Variants in ABCA1 observed in about 807,000 individuals in gnomAD.
The protein encoded by ABCA1 is ATP binding cassette subfamily A member 1.
Under a neutral mutation model 262.5 loss-of-function variants are expected in ABCA1, and 133 were observed. The ratio of observed to expected loss-of-function variants is 0.51; its 90% CI spans 0.44 to 0.59. The LOEUF (loss-of-function observed/expected upper bound fraction) is 0.59. Ranked by LOEUF, ABCA1 falls within the 20% of genes least tolerant of loss-of-function variation. ABCA1 has a pLI of 0.00. For missense variants in ABCA1, 2,452 were observed against 2,777.5 expected (o/e 0.88, Z 2.63); for synonymous variants, 1,022 against 1,043.5 (o/e 0.98, Z 0.40).
rs372715446 is a variant in ABCA1, at chr9:104,817,395, C to T, written c.3472G>A (p.Val1158Ile). 11 of 1,614,132 alleles carry T rather than the reference C, an allele frequency of 6.8e-6. No homozygotes were observed. The highest frequency in any genetic ancestry group is 9.3e-6 in the Non-Finnish European group (11 of 1,180,042). ...TVSYLKKEDS[V>I]SQSSSDAGLG... ...CCAGCATCAGAACTGCTCTGAGAAACACTGTCCTCCTGATGGCAAAGAAGG... is the reference window on the plus strand; with the variant it reads ...CCAGCATCAGAACTGCTCTGAGAAATACTGTCCTCCTGATGGCAAAGAAGG... The change falls in exon 24 of 50, where the codon GTT becomes ATT. Residue 1158 changes from valine to isoleucine, a missense_variant. Physicochemically the swap from Val to Ile is conservative, Grantham distance 29. This residue lies in a region of ABCA1 where 665 missense variants were observed against 727.3 expected (regional missense o/e 0.91). Coordinates refer to ENST00000374736, the MANE Select transcript of ABCA1 (RefSeq NM_005502.4). This position sits in a 1 kb window ranked among gnomAD's most constrained non-coding sequence, Gnocchi z 4.7.
chr9:104,885,379 T>C (rs1839075537), intron 3 of ABCA1, among the ~76,000 whole-genome samples: 1 of 152,300 alleles, frequency 6.6e-6, no homozygotes, highest in South Asian at 2.1e-4. Flanking sequence ...GATTGGAATT[T>C]AGCTCATCTC....
chr9:104,861,685 G>C lies in ABCA1; in HGVS notation c.537C>G (p.Leu179=), dbSNP rs148945839. The C allele has an allele frequency of 9.9e-6, 16 of 1,614,018 alleles. No individual in the cohort carries two copies. In the African/African-American group the frequency reaches 2.0e-4, roughly 20 times the overall value. ...GCTGGAGGCATCAGCTTACCTTGTG[G>C]AGAATGACATCAGCCCTCAGCATCT... The part of the protein sequence containing the change: ...VDKMLRADVI[L]HKVFLQGYQL... The change falls in exon 6 of 50, where the codon CTC becomes CTG. Residue 179 remains leucine, a synonymous_variant. Transcript: ENST00000374736.
chr9:104,856,155 G>A (rs929459968), intron 7 of ABCA1: 5 of 1,491,290 alleles, frequency 3.4e-6, no homozygotes, highest in East Asian at 4.7e-5. Flanking sequence ...TGCAAATCAA[G>A]TATCAGTCCC....
chr9:104,808,222 C>T (rs1385090020), intron 30 of ABCA1, among the ~76,000 whole-genome samples: 1 of 152,172 alleles, frequency 6.6e-6, no homozygotes, highest in African/African-American at 2.4e-5. Flanking sequence ...GGGGCTCAGA[C>T]ATCATGTTTG....
At chr9:104,784,794 C>T (rs1453508272) in intron 49 of ABCA1, among the ~76,000 whole-genome samples, 2 of 152,146 alleles carry the variant, frequency 1.3e-5, no homozygotes, top group Admixed American at 6.5e-5. Context: ...CAAGTGCGCA[C>T]CACCATGCCC....
In ABCA1 at chr9:104,831,841, A is replaced by G; in HGVS notation, c.1510-14T>C. 2 of 1,613,852 alleles carry G rather than the reference A, an allele frequency of 1.2e-6. No homozygotes were observed. The highest frequency in any genetic ancestry group is 1.7e-6 in the Non-Finnish European group (2 of 1,179,706). On this transcript the variant is annotated splice_polypyrimidine_tract_variant and intron_variant, in intron 12 of 49. Transcript: ENST00000374736. ...CAGGTTGACACACTGATAGAAGAAC[A>G]GCCTTCATGAGAACGTTGGCAGCCA...
At chr9:104,821,566 C>T in intron 19 of ABCA1, 60 bp from the exon 20 acceptor site, 2 of 1,598,616 alleles carry the variant, frequency 1.3e-6, no homozygotes, top group Non-Finnish European at 1.7e-6. Flanking sequence ...ACTCTAGATG[C>T]TCCATTCAGT....
chr9:104,892,795 T>C (rs992015795), intron 2 of ABCA1, among the ~76,000 whole-genome samples: 6 of 152,218 alleles, frequency 3.9e-5, no homozygotes, highest in Admixed American at 2.6e-4. Flanking sequence ...AAATTCATCC[T>C]AGGAAACTGA....
At chr9:104,879,858 T>C (rs1838476074) in intron 5 of ABCA1, among the ~76,000 whole-genome samples, 1 of 152,126 alleles carries the variant, frequency 6.6e-6, no homozygotes, top group African/African-American at 2.4e-5. Flanking sequence ...CACACAGACA[T>C]ACTGAAACAC....
intron 6 of ABCA1, among the ~76,000 whole-genome samples, chr9:104,860,784 T>C (rs892657617): frequency 2.3e-5 from 3 of 132,078 alleles, no homozygotes; most frequent in Admixed American, 8.4e-5. Context: ...TGAGATGGAG[T>C]CTCACTCTGT....
intron 39 of ABCA1, among the ~76,000 whole-genome samples, chr9:104,794,845 T>C (rs1829755326): frequency 6.6e-6 from 1 of 152,252 alleles, no homozygotes; most frequent in African/African-American, 2.4e-5. Context: ...AAATTGCTCA[T>C]GTCTGGGTCA....
At chr9:104,806,153 T>G in intron 31 of ABCA1, 88 bp downstream of exon 31, 7 of 1,340,996 alleles carry the variant, frequency 5.2e-6, no homozygotes, top group South Asian at 1.3e-5. Flanking sequence ...CCTCCCAACA[T>G]GATATCTCAC....
intron 1 of ABCA1, among the ~76,000 whole-genome samples, chr9:104,917,254 G>A (rs1374947653): frequency 1.3e-5 from 2 of 152,176 alleles, no homozygotes; most frequent in Admixed American, 6.5e-5. Flanking sequence ...CTCGGCTCAG[G>A]TGCATCATCT....
rs113132415 is a variant in ABCA1 at position 104,809,743 on chromosome 9, G to A, written c.4176-179C>T. Among the ~76,000 whole-genome samples, 5,611 of 151,962 alleles carry A rather than the reference G, an allele frequency of 0.037. 176 individuals are homozygous for A. The highest frequency in any genetic ancestry group is 0.084 in the African/African-American group (3,480 of 41,448). Reference sequence around the variant, plus strand: ...GATCTCAGACTCTGGCCCTGTATTCGGCATCAGGGTGACGTAGAGCACTCC... The same window carrying A: ...GATCTCAGACTCTGGCCCTGTATTCAGCATCAGGGTGACGTAGAGCACTCC... On this transcript the variant is annotated intron_variant, in intron 29 of 49. Coordinates refer to ENST00000374736, the MANE Select transcript of ABCA1 (RefSeq NM_005502.4).
In ABCA1 at chr9:104,788,571, CA is replaced by C. The variant is rs760812290; in HGVS notation, c.5928-5del. 1.2e-6 allele frequency: 2 copies of C among 1,614,096 alleles called. No homozygotes were observed. The highest frequency in any genetic ancestry group is 1.7e-6 in the Non-Finnish European group (2 of 1,179,992). On this transcript the variant is annotated splice_region_variant and splice_polypyrimidine_tract_variant and intron_variant, in intron 44 of 49. Transcript: ENST00000374736. Reference sequence around the variant, plus strand: ...TTCATGGATGTTTGATAAGATACTGCAAAGGACAAGAAAACTACTTAGATTT... The same window carrying C: ...TTCATGGATGTTTGATAAGATACTGCAAGGACAAGAAAACTACTTAGATTT...
chr9:104,789,694 A>G (rs1588199609), intron 44 of ABCA1, among the ~76,000 whole-genome samples: 1 of 152,214 alleles, frequency 6.6e-6, no homozygotes, highest in African/African-American at 2.4e-5. Context: ...ACATGTGTCT[A>G]CATGTCTGTG....
intron 1 of ABCA1, among the ~76,000 whole-genome samples, chr9:104,908,868 C>G (rs1841327928): frequency 6.6e-6 from 1 of 152,098 alleles, no homozygotes; most frequent in South Asian, 2.1e-4. Flanking sequence ...GCAGTGGTGA[C>G]CAGTGGTCAT....
intron 5 of ABCA1, among the ~76,000 whole-genome samples, chr9:104,862,889 C>A (rs2119115163): frequency 6.6e-6 from 1 of 151,124 alleles, no homozygotes; most frequent in East Asian, 1.9e-4. Context: ...CCTTCACAGA[C>A]ATGGTCTCAT....
rs77663187 is a variant in ABCA1, at chr9:104,794,512, TA to T, written c.5383-3del. The T allele has an allele frequency of 0.058, 74,222 of 1,276,854 alleles. 582 individuals carry two copies. The highest frequency in any genetic ancestry group is 0.15 in the African/African-American group (9,393 of 60,854). 79.1% of individuals were successfully genotyped at this position (1,276,854 alleles called of 1,614,324 possible). On this transcript the variant is annotated splice_polypyrimidine_tract_variant and splice_region_variant and intron_variant, in intron 39 of 49. Transcript: ENST00000374736. The stretch of plus-strand genomic sequence containing the variant: ...GATATCATTGATATTATTCAGCTTC[TA>T]AAAAAAAAAAAAAAAAATGGGAGGG...
Sources: gnomAD v4.1 joint callset for allele counts (sites outside exome capture counted in the v4.1 genomes callset) on GRCh38, gnomAD v4.1.1 for gene constraint, gnomAD v4.1.1 regional missense constraint, Gnocchi (gnomAD v3.1) non-coding constraint, MANE v1.5 for transcripts, NCBI Gene and HGNC (gene_info 2026-07-23, HGNC 2026-07-21) for gene names.